Variants in PLCG2 observed in about 807,000 individuals in gnomAD.
PLCG2 encodes 1-phosphatidylinositol 4,5-bisphosphate phosphodiesterase gamma-2.
Under a neutral mutation model 175.6 loss-of-function variants are expected in PLCG2, and 69 were observed. The observed-to-expected ratio is 0.39, with a 90% CI of 0.32 to 0.48. The LOEUF (loss-of-function observed/expected upper bound fraction) is 0.48, where lower values mean the gene tolerates loss of function less well. Among genes scored for constraint, PLCG2 ranks in the 20% least tolerant of loss-of-function variants. The probability of loss-of-function intolerance (pLI) is 0.91; values close to 1 mark genes in which losing one functional copy is unlikely to be tolerated. For missense variants in PLCG2, 1,798 were observed against 1,650.9 expected, an observed-to-expected ratio of 1.09 and a Z score of -1.54; for synonymous variants, 827 against 624.0, an observed-to-expected ratio of 1.33 and a Z score of -4.85.
chr16:81,935,792 C>T (rs1018080831), intron 26 of PLCG2: 3 of 985,398 alleles, frequency 3.0e-6, no homozygotes, highest in Non-Finnish European at 3.6e-6. Flanking sequence ...CATCTTGTGT[C>T]TGTGGTCTCT....
chr16:81,780,753 A>G (rs991963142), intron 1 of PLCG2, among the ~76,000 whole-genome samples: 7 of 152,200 alleles, frequency 4.6e-5, no homozygotes, highest in Admixed American at 4.6e-4. Flanking sequence ...TTGGTCAGGC[A>G]CGGTGGCTCA....
At chr16:81,856,667 C>G (rs774872858) in intron 3 of PLCG2, among the ~76,000 whole-genome samples, 1 of 152,174 alleles carries the variant, frequency 6.6e-6, no homozygotes, top group South Asian at 2.1e-4. Context: ...AGCTAAATCC[C>G]TAAGCCAGTG....
At position 81,893,790 on chromosome 16, in the gene PLCG2, T is replaced by G. The variant is rs1374066580; in HGVS notation, c.1068T>G (p.Ile356Met). The change falls in exon 12 of 33, where the codon ATT becomes ATG. Residue 356 changes from isoleucine to methionine, a missense_variant. Coordinates refer to ENST00000564138, the MANE Select transcript of PLCG2 (RefSeq NM_002661.5). The stretch of plus-strand genomic sequence containing the variant: ...GCCTGCGCATGGGCTGTCGCTGCAT[T>G]GAACGTGAGTAGCTCCTTCTTGGTG... Reference protein sequence around the residue: ...IRCLRMGCRCIELDCWDGPDG... With the variant: ...IRCLRMGCRCMELDCWDGPDG... The G allele has an allele frequency of 2.5e-6, 4 of 1,603,480 alleles. No homozygotes were observed. The highest frequency in any genetic ancestry group is 3.4e-6 in the Non-Finnish European group (4 of 1,171,412).
At chr16:81,768,653 C>T (rs1207697102) in intron 2 of PLCG2, among the ~76,000 whole-genome samples, 1 of 150,776 alleles carries the variant, frequency 6.6e-6, no homozygotes, top group Admixed American at 6.6e-5. Context: ...GCAACCTCCG[C>T]CTCCCGGGTT....
At chr16:81,829,367 C>T (rs972780905) in intron 2 of PLCG2, among the ~76,000 whole-genome samples, 3 of 152,188 alleles carry the variant, frequency 2.0e-5, no homozygotes, top group African/African-American at 7.2e-5. Context: ...CCTCGGCCTC[C>T]CAAAGTGCTG....
At chr16:81,940,434 C>CA (rs1910892209) in intron 30 of PLCG2, among the ~76,000 whole-genome samples, 1 of 151,710 alleles carries the variant, frequency 6.6e-6, no homozygotes, top group African/African-American at 2.4e-5. Context: ...GAGAGGGTGG[C>CA]AAGGGAGAGA....
chr16:81,757,681 C>A (rs575920786), intron 2 of PLCG2, among the ~76,000 whole-genome samples: 1 of 152,170 alleles, frequency 6.6e-6, no homozygotes, highest in Non-Finnish European at 1.5e-5. Context: ...ATGTATCACG[C>A]AATTCACCCA....
intron 14 of PLCG2, among the ~76,000 whole-genome samples, chr16:81,904,245 G>A (rs1342351630): frequency 6.6e-6 from 1 of 152,182 alleles, no homozygotes; most frequent in African/African-American, 2.4e-5. Flanking sequence ...GGATCCCACA[G>A]GGGCTGCCAC....
chr16:81,817,194 G>C (rs1365744854), intron 2 of PLCG2, among the ~76,000 whole-genome samples: 1 of 151,964 alleles, frequency 6.6e-6, no homozygotes, highest in African/African-American at 2.4e-5. Context: ...GTCAGAAAAG[G>C]CCTCTCTGAG....
intron 2 of PLCG2, among the ~76,000 whole-genome samples, chr16:81,804,320 G>C (rs888283391): frequency 2.0e-5 from 3 of 152,220 alleles, no homozygotes; most frequent in Non-Finnish European, 4.4e-5. Flanking sequence ...ATCTTAAATA[G>C]TTGATGTAAT....
chr16:81,796,650 A>C (rs117874225), intron 2 of PLCG2, among the ~76,000 whole-genome samples: 2 of 152,330 alleles, frequency 1.3e-5, no homozygotes, highest in Admixed American at 1.3e-4. Flanking sequence ...AATGGAATAG[A>C]GTGGGCCCTA....
At chr16:81,825,661 A>C (rs1354623762) in intron 2 of PLCG2, among the ~76,000 whole-genome samples, 1 of 152,212 alleles carries the variant, frequency 6.6e-6, no homozygotes, top group Non-Finnish European at 1.5e-5. Flanking sequence ...GTTTAATTGT[A>C]ACTTTAATGG....
intron 2 of PLCG2, among the ~76,000 whole-genome samples, chr16:81,793,391 T>C (rs1441365663): frequency 6.6e-6 from 1 of 152,178 alleles, no homozygotes; most frequent in Non-Finnish European, 1.5e-5. Flanking sequence ...CTCTTGCATC[T>C]TGTGCATTTG....
chr16:81,845,818 A>T (rs1906086323), intron 2 of PLCG2, among the ~76,000 whole-genome samples: 1 of 152,226 alleles, frequency 6.6e-6, no homozygotes, highest in African/African-American at 2.4e-5. Context: ...TTTGCTGAAT[A>T]CCAGATAGAA....
chr16:81,866,182 G>T (rs112701561), intron 5 of PLCG2, among the ~76,000 whole-genome samples: 17 of 89,974 alleles, frequency 1.9e-4, no homozygotes, highest in African/African-American at 5.3e-4. Context: ...CCTCTCCCTT[G>T]CTCCCAGGAT....
intron 2 of PLCG2, among the ~76,000 whole-genome samples, chr16:81,806,148 C>G (rs906812960): frequency 6.6e-6 from 1 of 152,002 alleles, no homozygotes; most frequent in Non-Finnish European, 1.5e-5. Context: ...TATAACACAT[C>G]TTGATTCAGA....
intron 7 of PLCG2, among the ~76,000 whole-genome samples, chr16:81,879,011 G>C (rs1233564903): frequency 6.6e-6 from 1 of 152,148 alleles, no homozygotes; most frequent in African/African-American, 2.4e-5. Flanking sequence ...GGGAAGCCAG[G>C]TCTTTCCTGG....
intron 2 of PLCG2, among the ~76,000 whole-genome samples, chr16:81,767,317 G>A (rs1223525586): frequency 1.3e-5 from 2 of 151,808 alleles, no homozygotes; most frequent in African/African-American, 2.4e-5. Flanking sequence ...GCTAATTTTT[G>A]TATTTTTAAT....
rs1408315721 is a variant in PLCG2, at chr16:81,958,960, T to C, written c.*962T>C. On this transcript the variant is annotated 3_prime_UTR_variant, in exon 33 of 33. Transcript: ENST00000564138. Reference sequence around the variant, plus strand: ...TTTAATGGGCTAAGCATTAGGGTGTTACAGAAAATTTCAAATGCAGCCATC... The same window carrying C: ...TTTAATGGGCTAAGCATTAGGGTGTCACAGAAAATTTCAAATGCAGCCATC... 1 of 223,168 alleles carries C rather than the reference T, an allele frequency of 4.5e-6. No homozygotes were observed. Among genetic ancestry groups the C allele is most frequent in the Non-Finnish European group, 8.9e-6 (1 of 111,834 alleles). 13.8% of individuals were successfully genotyped at this position (223,168 alleles called of 1,614,324 possible). A position where few individuals can be genotyped will look rare whatever the true frequency, so the allele number is the denominator to read the frequency against.
Sources: allele counts gnomAD v4.1 joint callset (sites outside exome capture counted in the v4.1 genomes callset), GRCh38; gene constraint gnomAD v4.1.1; transcripts MANE v1.5; gene names NCBI Gene and HGNC (gene_info 2026-07-23, HGNC 2026-07-21).